Variants in AP3D1 observed in about 807,000 individuals in gnomAD.
AP3D1 encodes adaptor related protein complex 3 subunit delta 1.
Under a neutral mutation model 147.6 loss-of-function variants are expected in AP3D1, and 51 were observed. The ratio of observed to expected loss-of-function variants is 0.35; its 90% CI spans 0.28 to 0.44. The LOEUF (loss-of-function observed/expected upper bound fraction) is 0.44. Ranked by LOEUF, AP3D1 falls within the 20% of genes least tolerant of loss-of-function variation. The pLI, the probability that AP3D1 is intolerant of heterozygous loss-of-function variation, is 1.00. For missense variants in AP3D1, 1,421 were observed against 1,624.2 expected (o/e 0.87, Z 2.15); for synonymous variants, 760 against 663.0 (o/e 1.15, Z -2.25).
Position 2,111,735 on chromosome 19 carries a change from C to T in AP3D1, c.2881G>A (p.Glu961Lys), listed in dbSNP as rs749819797. ...KKSKKQPPGSEEAAGEPVQNG... is the reference protein window; with the variant it reads ...KKSKKQPPGSKEAAGEPVQNG... ...TGCACCGGCTCCCCCGCTGCCTCCTCGCTGCCTGGAGGCTGCTTCTTGGAC... is the reference window on the plus strand; with the variant it reads ...TGCACCGGCTCCCCCGCTGCCTCCTTGCTGCCTGGAGGCTGCTTCTTGGAC... Residue 961 changes from glutamate to lysine, a missense_variant, in exon 25 of 32, where the codon GAG (glutamate) becomes AAG (lysine). Glu to Lys is a moderately conservative substitution (Grantham distance 56). This residue lies in a region of AP3D1 where 791 missense variants were observed against 761.4 expected (regional missense o/e 1.04). Coordinates refer to ENST00000643116, the MANE Select transcript of AP3D1 (RefSeq NM_001261826.3). 3.1e-6 allele frequency: 5 copies of T among 1,607,066 alleles called. No homozygotes were observed. The highest frequency in any genetic ancestry group is 1.1e-5 in the South Asian group (1 of 90,036).
chr19:2,148,778 CA>C (rs1229534908), intron 1 of AP3D1, among the ~76,000 whole-genome samples: 1 of 152,228 alleles, frequency 6.6e-6, no homozygotes, highest in Non-Finnish European at 1.5e-5. Context: ...ACTGCCTTTC[CA>C]CGTGGCTTTC....
At chr19:2,141,881 CT>C (rs1376593601) in intron 1 of AP3D1, among the ~76,000 whole-genome samples, 2 of 151,502 alleles carry the variant, frequency 1.3e-5, no homozygotes, top group African/African-American at 4.8e-5. Flanking sequence ...CAGTAAATAG[CT>C]GGGATTACAG....
At chr19:2,113,446 A>G (rs1264139670) in intron 22 of AP3D1, 33 bp from the exon 23 acceptor site, 1 of 1,348,668 alleles carries the variant, frequency 7.4e-7, no homozygotes, top group Non-Finnish European at 9.9e-7. Context: ...CAGCAAACGC[A>G]GTGCAATGGT....
Position 2,120,959 on chromosome 19 carries a change from G to T in AP3D1, c.1384C>A (p.Leu462Met). The change falls in exon 14 of 32, where the codon CTG (leucine) becomes ATG (methionine). Residue 462 changes from leucine (L) to methionine (M), a missense_variant. Physicochemically the swap from Leu to Met is conservative, Grantham distance 15 (BLOSUM62 2). Transcript: ENST00000643116. ...RKFAVSQMSA[L>M]LDSAHLLASS... ...GCCAGCAGGTGTGCACTGTCAAGCA[G>T]CGCAGACATCTGGGACACGGCGAAC... 6.2e-7 allele frequency: 1 copy of T among 1,612,188 alleles called. No individual in the cohort carries two copies.
chr19:2,112,007 G>A (rs1238193475), intron 24 of AP3D1, 179 bp from the exon 25 acceptor site: 1 of 997,574 alleles, frequency 1.0e-6, no homozygotes, highest in East Asian at 2.6e-5. Flanking sequence ...ACCAGGCCCA[G>A]CGGAGGCTGG....
Position 2,130,488 on chromosome 19 carries a change from T to C in AP3D1, c.512A>G (p.Tyr171Cys). 3 of 1,614,088 alleles carry C rather than the reference T, an allele frequency of 1.9e-6. No individual in the cohort carries two copies. Among genetic ancestry groups the C allele is most frequent in the Non-Finnish European group, 2.5e-6 (3 of 1,180,014 alleles). ...YIRKKAVLIM[Y>C]KVFLKYPESL... The stretch of plus-strand genomic sequence containing the variant: ...CTCGGGGTACTTCAGGAACACCTTG[T>C]ACATGATCAGCACAGCCTTCTTCCT... Residue 171 changes from tyrosine to cysteine, a missense_variant, in exon 6 of 32, where the codon TAC becomes TGC. Tyr to Cys is a radical substitution (Grantham distance 194). Around this residue, in one of 6 missense-constraint regions of AP3D1, gnomAD observed 292 missense variants for 412.0 expected, o/e 0.71. Coordinates refer to ENST00000643116, the MANE Select transcript of AP3D1 (RefSeq NM_001261826.3).
chr19:2,154,859 A>G (rs1448006723), upstream of AP3D1, among the ~76,000 whole-genome samples: 2 of 152,234 alleles, frequency 1.3e-5, no homozygotes, highest in Non-Finnish European at 2.9e-5. Context: ...ATTGTGAGTC[A>G]TGTCTGTTTA....
rs542293631 is a variant in AP3D1 at position 2,116,193 on chromosome 19, G to A, written c.2073+14C>T. ...GAGGGTGCTGAGGGACAGGCACCCG[G>A]GGACGGGCCTCACCTTCTGTGGCGA... On this transcript the variant is annotated intron_variant, in intron 18 of 31. Transcript: ENST00000643116. 1.9e-6 allele frequency: 3 copies of A among 1,613,986 alleles called. No individual in the cohort carries two copies. The highest frequency in any genetic ancestry group is 4.5e-5 in the East Asian group (2 of 44,872).
At chr19:2,104,576 G>A (rs1326740905) in intron 31 of AP3D1, among the ~76,000 whole-genome samples, 1 of 150,996 alleles carries the variant, frequency 6.6e-6, no homozygotes, top group Admixed American at 6.6e-5. Context: ...GCCATTGGCA[G>A]AAACCAACAC....
In AP3D1 at chr19:2,116,656, C is replaced by T. The variant is rs1599453771; in HGVS notation, c.1950G>A (p.Gln650=). Residue 650 remains glutamine, a synonymous_variant, in exon 17 of 32, where the codon CAG becomes CAA. Transcript: ENST00000643116. ...RPRAVFHEEE[Q]RRPKHRPSEA... ...CCGACGGCCGGTGCTTGGGACGCCG[C>T]TGCTCCTCCTCGTGGAAGACGGCCC... The T allele has an allele frequency of 1.9e-6, 3 of 1,606,100 alleles. No individual in the cohort carries two copies. Among genetic ancestry groups the T allele is most frequent in the South Asian group, 1.1e-5 (1 of 89,656 alleles).
rs528488460 is a variant in AP3D1 at position 2,143,074 on chromosome 19, T to A, written c.97-4360A>T. On this transcript the variant is annotated intron_variant, in intron 1 of 31. Coordinates refer to ENST00000643116, the MANE Select transcript of AP3D1 (RefSeq NM_001261826.3). ...CCACCACGCCCAGCCTCTTTTTCTT[T>A]TTTTTCTGAGATGGAGTCTCACTCT... 1.9e-4 allele frequency among the ~76,000 whole-genome samples: 29 copies of A among 151,216 alleles called. No individual in the cohort carries two copies. The South Asian group carries it at 6.1e-3, about 32-fold the overall frequency.
intron 28 of AP3D1, 43 bp downstream of exon 28, chr19:2,110,093 C>T: frequency 6.2e-7 from 1 of 1,600,504 alleles, no homozygotes; most frequent in Non-Finnish European, 8.6e-7. Flanking sequence ...GGAGCCCCTG[C>T]CTGCAGAGTC....
chr19:2,162,281 C>A (rs1424244791), intron 1 of AP3D1, among the ~76,000 whole-genome samples: 1 of 149,620 alleles, frequency 6.7e-6, no homozygotes, highest in Non-Finnish European at 1.5e-5. Context: ...CGTGATCCAC[C>A]CGCCTCGGCC....
upstream of AP3D1, among the ~76,000 whole-genome samples, chr19:2,155,714 G>C (rs975969163): frequency 8.6e-5 from 13 of 151,948 alleles, no homozygotes; most frequent in African/African-American, 2.7e-4. Context: ...TTGTCCTTTT[G>C]TTTTCTGTAT....
At chr19:2,108,544 G>C in intron 31 of AP3D1, 143 bp downstream of exon 31, 1 of 723,304 alleles carries the variant, frequency 1.4e-6, no homozygotes, top group Non-Finnish European at 2.3e-6. Flanking sequence ...GGCTGGCACA[G>C]GTGAGGGGCT....
intron 18 of AP3D1, 116 bp from the exon 19 acceptor site, chr19:2,115,729 C>T (rs1052449903): frequency 8.8e-5 from 99 of 1,128,738 alleles, no homozygotes; most frequent in Non-Finnish European, 1.2e-4. Flanking sequence ...AGCTGGGGTC[C>T]TGCCAGAGCC....
At chr19:2,131,935 C>T (rs1417131683) in intron 5 of AP3D1, among the ~76,000 whole-genome samples, 1 of 152,232 alleles carries the variant, frequency 6.6e-6, no homozygotes, top group African/African-American at 2.4e-5. Context: ...CATGCCCGCT[C>T]CACACTGTTA....
rs2019511214 is a variant in AP3D1 at position 2,151,477 on chromosome 19, G to A, written c.-143C>T. On this transcript the variant is annotated 5_prime_UTR_variant, in exon 1 of 32. Coordinates refer to ENST00000643116, the MANE Select transcript of AP3D1 (RefSeq NM_001261826.3). ...GCTCCCAGGCCAGGGCGGCGGCGGG[G>A]TCCAAGGACCGCGGCAGAGGCGGCG... 2 of 328,612 alleles carry A rather than the reference G, an allele frequency of 6.1e-6. No individual in the cohort carries two copies. Among genetic ancestry groups the A allele is most frequent in the Non-Finnish European group, 8.8e-6 (2 of 226,400 alleles). 20.4% of individuals were successfully genotyped at this position (328,612 alleles called of 1,614,324 possible).
chr19:2,109,067 A>G lies in AP3D1; in HGVS notation c.3472+19T>C, dbSNP rs768567974. 9 of 1,606,518 alleles carry G rather than the reference A, an allele frequency of 5.6e-6. 1 individual carries two copies. The South Asian group carries it at 1.0e-4, about 18-fold the overall frequency. On this transcript the variant is annotated intron_variant, in intron 30 of 31. Coordinates refer to ENST00000643116, the MANE Select transcript of AP3D1 (RefSeq NM_001261826.3). The stretch of plus-strand genomic sequence containing the variant: ...GCGTGAAAGCCCCGTGCAATCCATC[A>G]GCCCCTCACTCTCCTTACCGGAAAA...
Sources: allele counts gnomAD v4.1 joint callset (sites outside exome capture counted in the v4.1 genomes callset), GRCh38; gene constraint gnomAD v4.1.1; regional missense constraint gnomAD v4.1.1; transcripts MANE v1.5; gene names NCBI Gene and HGNC (gene_info 2026-07-23, HGNC 2026-07-21).